The following JUP variants were observed in gnomAD, a reference collection of about 807,000 sequenced individuals.
JUP encodes the protein junction plakoglobin.
JUP carries 28 observed loss-of-function variants against 71.1 expected under a neutral mutation model. The observed-to-expected ratio is 0.39, with a 90% CI of 0.29 to 0.54. The LOEUF is 0.54. Among genes scored for constraint, JUP ranks in the 20% least tolerant of loss-of-function variants. The probability of loss-of-function intolerance (pLI) is 0.62; values close to 1 mark genes in which losing one functional copy is unlikely to be tolerated. For missense variants in JUP, 869 were observed against 1,030.1 expected (o/e 0.84, Z 2.14); for synonymous variants, 401 against 438.9 (o/e 0.91, Z 1.08).
At chr17:41,775,295 AG>A (rs1555608321) in intron 1 of JUP, among the ~76,000 whole-genome samples, 1 of 152,120 alleles carries the variant, frequency 6.6e-6, no homozygotes, top group African/African-American at 2.4e-5. Context: ...GTTCAGAGAG[AG>A]GACACACTCC....
chr17:41,779,333 A>ATTT (rs34269111), intron 1 of JUP, among the ~76,000 whole-genome samples: 10 of 100,224 alleles, frequency 1.0e-4, no homozygotes, highest in African/African-American at 2.5e-4. Context: ...AAACTTCCCA[A>ATTT]TTTTTTTTTT....
chr17:41,758,408 C>T lies in JUP; in HGVS notation c.1764G>A (p.Leu588=), dbSNP rs541032494. 5.0e-6 allele frequency: 8 copies of T among 1,613,176 alleles called. No individual in the cohort carries two copies. The change falls in exon 10 of 14, where the codon CTG becomes CTA. Residue 588 remains leucine, a synonymous_variant. Coordinates refer to ENST00000393931, the MANE Select transcript of JUP (RefSeq NM_002230.4). ...MEIFRLNTIP[L]FVQLLYSSVE... ...CCTGCCCCAGACTCACCTGCACAAA[C>T]AGGGGAATGGTGTTGAGCCGGAAGA...
rs1555605856 is a variant in JUP at position 41,769,568 on chromosome 17, C to A, written c.318G>T (p.Val106=). 3 of 1,607,534 alleles carry A rather than the reference C, an allele frequency of 1.9e-6. No individual in the cohort carries two copies. In the African/African-American group the frequency reaches 4.0e-5, roughly 21 times the overall value. Residue 106 remains valine (V), a synonymous_variant, in exon 3 of 14, where the codon GTG becomes GTT. Transcript: ENST00000393931. ...EDSSLLLATQ[V]EGQATNLQRL... is the part of the protein sequence containing the mutation. Reference sequence around the variant, plus strand: ...GCTGCAGGTTGGTGGCCTGCCCCTCCACCTGGGTGGCCAGCAGAAGCGAGC... The same window carrying A: ...GCTGCAGGTTGGTGGCCTGCCCCTCAACCTGGGTGGCCAGCAGAAGCGAGC...
At chr17:41,776,870 G>A (rs987079719) in intron 1 of JUP, among the ~76,000 whole-genome samples, 1 of 152,114 alleles carries the variant, frequency 6.6e-6, no homozygotes, top group African/African-American at 2.4e-5. Flanking sequence ...GCCAGGCGTG[G>A]TGGTGGGCAC....
intron 5 of JUP, among the ~76,000 whole-genome samples, chr17:41,766,872 G>A (rs1458768830): frequency 1.3e-5 from 2 of 148,650 alleles, no homozygotes; most frequent in African/African-American, 5.0e-5. Flanking sequence ...AAAAAAAAAA[G>A]AAAGAAAAGA....
At chr17:41,760,112 G>A (rs1914554721) in intron 8 of JUP, among the ~76,000 whole-genome samples, 1 of 151,408 alleles carries the variant, frequency 6.6e-6, no homozygotes, top group South Asian at 2.1e-4. Flanking sequence ...GCAGTGAGCT[G>A]AGATCATGCC....
chr17:41,755,734 G>A lies in JUP; in HGVS notation c.*10C>T. On this transcript the variant is annotated 3_prime_UTR_variant, in exon 14 of 14. Transcript: ENST00000393931. ...CCTGCAAAGAGGGGGCCGTACTGGG[G>A]CCAGGCCGCCTAGGCCAGCATGTGG... 6.4e-7 allele frequency: 1 copy of A among 1,569,420 alleles called. No homozygotes were observed.
At chr17:41,768,641 T>C (rs1555604960) in intron 4 of JUP, among the ~76,000 whole-genome samples, 1 of 152,148 alleles carries the variant, frequency 6.6e-6, no homozygotes, top group Non-Finnish European at 1.5e-5. Flanking sequence ...ACTTTGCATT[T>C]GCTGTTCCCT....
In JUP at chr17:41,764,941, G is replaced by A. The variant is rs782541154; in HGVS notation, c.1036C>T (p.Pro346Ser). Residue 346 changes from proline (P) to serine (S), a missense_variant, in exon 6 of 14, where the codon CCT becomes TCT. Physicochemically the swap from Pro to Ser is moderately conservative, Grantham distance 74. Coordinates refer to ENST00000393931, the MANE Select transcript of JUP (RefSeq NM_002230.4). ...KVLSVCPSNK[P>S]AIVEAGGMQA... ...TACTCACCAGCCTCCACAATGGCAG[G>A]CTTATTGCTGGGACACACGGATAGC... 3.7e-6 allele frequency: 6 copies of A among 1,614,078 alleles called. No individual in the cohort carries two copies. The African/African-American group carries it at 4.0e-5, about 11-fold the overall frequency.
intron 8 of JUP, among the ~76,000 whole-genome samples, chr17:41,762,612 G>A (rs4350615): frequency 0.66 from 99,457 of 151,768 alleles, 33,071 homozygotes; most frequent in Non-Finnish European, 0.73. Context: ...TGTTGTCCAG[G>A]CTGGTCTCAA....
rs782032550 is a variant in JUP, at chr17:41,771,843, C to A, written c.12G>T (p.Met4Ile). 6.2e-7 allele frequency: 1 copy of A among 1,611,892 alleles called. No homozygotes were observed. The highest frequency in any genetic ancestry group is 1.1e-5 in the South Asian group (1 of 90,712). MEV[M>I]NLMEQPIKVT... ...CCTTGATAGGCTGCTCCATCAGGTT[C>A]ATCACCTCCATCGTGGCTACTGGGG... Residue 4 changes from methionine (M) to isoleucine (I), a missense_variant, in exon 2 of 14, where the codon ATG (methionine) becomes ATT (isoleucine). Met to Ile is a conservative substitution (Grantham distance 10). Transcript: ENST00000393931.
intron 8 of JUP, 39 bp from the exon 9 acceptor site, chr17:41,758,909 G>C (rs782482949): frequency 5.7e-6 from 9 of 1,578,132 alleles, no homozygotes; most frequent in Non-Finnish European, 6.9e-6. Context: ...GCACTTCTTG[G>C]ACATCTGAAG....
At chr17:41,771,220 C>A (rs572389371) in intron 2 of JUP, among the ~76,000 whole-genome samples, 1 of 152,132 alleles carries the variant, frequency 6.6e-6, no homozygotes, top group Non-Finnish European at 1.5e-5. Context: ...TTAGTAGAGA[C>A]GGGGTTTCAT....
chr17:41,778,724 A>AT (rs2047006815), intron 1 of JUP, among the ~76,000 whole-genome samples: 1 of 150,400 alleles, frequency 6.6e-6, no homozygotes, highest in Admixed American at 6.7e-5. Context: ...ATACTGGCTA[A>AT]TACGGTGAAA....
intron 1 of JUP, among the ~76,000 whole-genome samples, chr17:41,773,384 G>A (rs1555607684): frequency 3.3e-5 from 5 of 152,310 alleles, no homozygotes; most frequent in South Asian, 2.1e-4. Context: ...GAGCACACCC[G>A]GAACAGGCAG....
At chr17:41,765,896 A>G (rs1915638571) in intron 5 of JUP, among the ~76,000 whole-genome samples, 1 of 152,184 alleles carries the variant, frequency 6.6e-6, no homozygotes. Flanking sequence ...ATTGTTTATA[A>G]AGGTGGAATA....
Position 41,769,541 on chromosome 17 carries a change from T to A in JUP, c.345A>T (p.Arg115=). The A allele has an allele frequency of 6.2e-7, 1 of 1,609,678 alleles. No individual in the cohort carries two copies. The highest frequency in any genetic ancestry group is 8.5e-7 in the Non-Finnish European group (1 of 1,178,728). ...TGAGCAGCTGGGACGGCTCGGCCAG[T>A]CGCTGCAGGTTGGTGGCCTGCCCCT... The part of the protein sequence containing the change: ...QVEGQATNLQ[R]LAEPSQLLKS... The change falls in exon 3 of 14, where the codon CGA becomes CGT. Residue 115 remains arginine, a synonymous_variant. Coordinates refer to ENST00000393931, the MANE Select transcript of JUP (RefSeq NM_002230.4).
At chr17:41,776,577 G>C (rs926960637) in intron 1 of JUP, among the ~76,000 whole-genome samples, 1 of 152,260 alleles carries the variant, frequency 6.6e-6, no homozygotes, top group Non-Finnish European at 1.5e-5. Flanking sequence ...AATTAGCCGG[G>C]CATGGTGGCA....
chr17:41,757,144 C>T (rs578204810), intron 12 of JUP, among the ~76,000 whole-genome samples: 10 of 152,260 alleles, frequency 6.6e-5, no homozygotes, highest in East Asian at 3.9e-4. Context: ...TGGAAAAGAC[C>T]GCCCATAGCC....
Sources: allele counts gnomAD v4.1 joint callset (sites outside exome capture counted in the v4.1 genomes callset), GRCh38; gene constraint gnomAD v4.1.1; transcripts MANE v1.5; gene names NCBI Gene and HGNC (gene_info 2026-07-23, HGNC 2026-07-21).